CNBD1: variants seen among roughly 807,000 people sequenced by gnomAD.
CNBD1 encodes cyclic nucleotide-binding domain-containing protein 1.
In CNBD1, 71 loss-of-function variants were observed where a neutral mutation model predicts 54.4. The ratio of observed to expected loss-of-function variants is 1.30; its 90% confidence interval spans 1.08 to 1.59. The LOEUF is 1.59. Among genes scored for constraint, CNBD1 ranks in the 40% most tolerant of loss-of-function variants. The probability of loss-of-function intolerance (pLI) is 0.00; values close to 1 mark genes in which losing one functional copy is unlikely to be tolerated. For missense variants in CNBD1, 659 were observed against 518.0 expected, an observed-to-expected ratio of 1.27 and a Z score of -2.64; for synonymous variants, 182 against 170.7, an observed-to-expected ratio of 1.07 and a Z score of -0.51.
At chr8:87,295,256 G>A (rs1408702600) in intron 8 of CNBD1, among the ~76,000 whole-genome samples, 1 of 151,622 alleles carries the variant, frequency 6.6e-6, no homozygotes, top group Non-Finnish European at 1.5e-5. Context: ...TTTTCAATCA[G>A]TTTTGACTTT....
chr8:87,212,404 A>G (rs1814118248), intron 5 of CNBD1, among the ~76,000 whole-genome samples: 1 of 152,144 alleles, frequency 6.6e-6, no homozygotes, highest in African/African-American at 2.4e-5. Flanking sequence ...AAACAGCCAC[A>G]ATATATTGAA....
intron 4 of CNBD1, among the ~76,000 whole-genome samples, chr8:86,962,039 A>G (rs1807941615): frequency 6.6e-6 from 1 of 152,228 alleles, no homozygotes; most frequent in Non-Finnish European, 1.5e-5. Context: ...AATAGCTGGA[A>G]GACAAGAACA....
intron 2 of CNBD1, among the ~76,000 whole-genome samples, chr8:87,425,343 T>G (rs1275958847): frequency 6.6e-6 from 1 of 152,218 alleles, no homozygotes; most frequent in Non-Finnish European, 1.5e-5. Context: ...TCCGTCCAGC[T>G]TTGTTCCGTT....
At chr8:87,264,530 G>T (rs1007049852) in intron 6 of CNBD1, among the ~76,000 whole-genome samples, 5 of 152,060 alleles carry the variant, frequency 3.3e-5, no homozygotes, top group Admixed American at 1.3e-4. Context: ...GGGATGGCTG[G>T]GTCAAATAGT....
At chr8:87,234,992 A>T (rs1441915420) in intron 5 of CNBD1, among the ~76,000 whole-genome samples, 2 of 152,202 alleles carry the variant, frequency 1.3e-5, no homozygotes, top group Non-Finnish European at 2.9e-5. Flanking sequence ...CTATATCAGC[A>T]CTTGCTGTTT....
intron 8 of CNBD1, among the ~76,000 whole-genome samples, chr8:87,339,619 G>A (rs1394117309): frequency 1.3e-5 from 2 of 151,956 alleles, no homozygotes; most frequent in East Asian, 1.9e-4. Flanking sequence ...ATCTCATTTT[G>A]TTAATTTTTT....
At chr8:87,370,101 C>T (rs917567811) in intron 10 of CNBD1, among the ~76,000 whole-genome samples, 1 of 151,808 alleles carries the variant, frequency 6.6e-6, no homozygotes, top group Non-Finnish European at 1.5e-5. Flanking sequence ...TGTATATGTG[C>T]CACATTTTCT....
At position 87,239,908 on chromosome 8, in the gene CNBD1, A is replaced by ATAT. The variant is rs757580936; in HGVS notation, c.771+2797_771+2798insATT. On this transcript the variant is annotated intron_variant, in intron 6 of 10. Coordinates refer to ENST00000518476, the MANE Select transcript of CNBD1 (RefSeq NM_173538.3). Reference sequence around the variant, plus strand: ...TAAGGAAAGAGATAAAAAATTACACATTTATTTACAAGATCACCAACTTAA... The same window carrying ATAT: ...TAAGGAAAGAGATAAAAAATTACACATATTTTATTTACAAGATCACCAACTTAA... Among the ~76,000 whole-genome samples the ATAT allele has an allele frequency of 1.8e-4, 27 of 152,144 alleles. 1 individual carries two copies. Among genetic ancestry groups the ATAT allele is most frequent in the Admixed American group, 1.6e-3 (25 of 15,262 alleles).
chr8:87,172,581 A>G (rs1226121004), intron 4 of CNBD1, among the ~76,000 whole-genome samples: 1 of 151,992 alleles, frequency 6.6e-6, no homozygotes, highest in African/African-American at 2.4e-5. Context: ...TATATTTACA[A>G]TTATTATATA....
At position 86,995,071 on chromosome 8, in the gene CNBD1, A is replaced by G. The variant is rs112025584; in HGVS notation, c.431+55317A>G. Reference sequence around the variant, plus strand: ...GATGAGAATGCTTTTAGAGGCATCAAATAACTGAGAGGAGGCTTATAAAGC... The same window carrying G: ...GATGAGAATGCTTTTAGAGGCATCAGATAACTGAGAGGAGGCTTATAAAGC... On this transcript the variant is annotated intron_variant, in intron 4 of 10. Transcript: ENST00000518476. Among the ~76,000 whole-genome samples the G allele has an allele frequency of 2.7e-3, 408 of 152,282 alleles. 5 individuals are homozygous for G. The highest frequency in any genetic ancestry group is 9.4e-3 in the African/African-American group (391 of 41,546).
chr8:87,057,333 G>C (rs548649897), intron 4 of CNBD1, among the ~76,000 whole-genome samples: 1 of 152,080 alleles, frequency 6.6e-6, no homozygotes, highest in African/African-American at 2.4e-5. Flanking sequence ...GGTGGGAAAG[G>C]CCCCTTACTT....
At chr8:87,076,845 C>T (rs541692697) in intron 4 of CNBD1, among the ~76,000 whole-genome samples, 121 of 152,218 alleles carry the variant, frequency 7.9e-4, no homozygotes, top group African/African-American at 2.8e-3. Context: ...TTGAGAAATT[C>T]AAAGGACAAG....
intron 3 of CNBD1, among the ~76,000 whole-genome samples, chr8:86,908,662 A>C (rs1809054285): frequency 6.6e-6 from 1 of 152,218 alleles, no homozygotes; most frequent in Non-Finnish European, 1.5e-5. Flanking sequence ...CGCAACAAAA[A>C]GAGGCAAACT....
intron 4 of CNBD1, among the ~76,000 whole-genome samples, chr8:86,961,300 T>C (rs775291892): frequency 5.3e-5 from 8 of 152,230 alleles, no homozygotes; most frequent in Non-Finnish European, 1.0e-4. Flanking sequence ...AATTGGTTTC[T>C]ATGACAGTTT....
chr8:87,281,723 G>C (rs1322280976), intron 6 of CNBD1, among the ~76,000 whole-genome samples: 1 of 149,962 alleles, frequency 6.7e-6, no homozygotes, highest in Non-Finnish European at 1.5e-5. Context: ...ACATTTTTTA[G>C]TTTATTTTAA....
intron 5 of CNBD1, among the ~76,000 whole-genome samples, chr8:87,228,804 T>G (rs976611131): frequency 2.6e-5 from 4 of 152,194 alleles, no homozygotes; most frequent in Admixed American, 1.3e-4. Context: ...GTTTACCTAA[T>G]CAAGCCTGGG....
chr8:86,976,344 G>A (rs1808342714), intron 4 of CNBD1, among the ~76,000 whole-genome samples: 2 of 151,644 alleles, frequency 1.3e-5, no homozygotes, highest in South Asian at 2.1e-4. Flanking sequence ...TTTTCTTCTT[G>A]TGGTTTTATA....
intron 6 of CNBD1, among the ~76,000 whole-genome samples, chr8:87,267,347 C>G (rs1437879274): frequency 6.6e-6 from 1 of 151,880 alleles, no homozygotes; most frequent in Non-Finnish European, 1.5e-5. Flanking sequence ...TTATTTCTTA[C>G]ACCAAATTGG....
chr8:87,322,076 A>T (rs1809549116), intron 8 of CNBD1, among the ~76,000 whole-genome samples: 1 of 130,128 alleles, frequency 7.7e-6, no homozygotes, highest in Non-Finnish European at 1.6e-5. Flanking sequence ...TTCTTGCGAT[A>T]GTTTACTGAG....
Sources: gnomAD v4.1 joint callset for allele counts (sites outside exome capture counted in the v4.1 genomes callset) on GRCh38, gnomAD v4.1.1 for gene constraint, MANE v1.5 for transcripts, NCBI Gene and HGNC (gene_info 2026-07-23, HGNC 2026-07-21) for gene names.